CHM: variants seen among roughly 807,000 people sequenced by gnomAD.
CHM encodes rab proteins geranylgeranyltransferase component A 1.
CHM carries 10 observed loss-of-function variants against 49.0 expected under a neutral mutation model. The observed-to-expected ratio is 0.20, with a 90% confidence interval of 0.13 to 0.35. CHM has a LOEUF of 0.35. CHM is among the 10% of genes least tolerant of loss of function. The pLI is 1.00. For synonymous variants in CHM, 184 were observed against 167.5 expected, an observed-to-expected ratio of 1.10 and a Z score of -0.76; for missense variants, 455 against 478.4, an observed-to-expected ratio of 0.95 and a Z score of 0.46.
At chrX:85,972,419 G>C (rs1196949529) in intron 4 of CHM, among the ~76,000 whole-genome samples, 1 of 113,154 alleles carries the variant, frequency 8.8e-6, no homozygotes, top group East Asian at 2.8e-4. Context: ...GGCGGCATTT[G>C]TCGGGGAGGC....
chrX:85,937,841 CAAA>C (rs1302686614), intron 8 of CHM, among the ~76,000 whole-genome samples: 3 of 42,653 alleles, frequency 7.0e-5, no homozygotes, highest in Non-Finnish European at 4.4e-5. Context: ...AAGACTGTCT[CAAA>C]AAAAAAAAAA....
intron 12 of CHM, among the ~76,000 whole-genome samples, chrX:85,885,232 G>A (rs1489677335): frequency 1.8e-5 from 2 of 109,840 alleles, no homozygotes; most frequent in Admixed American, 9.8e-5. Flanking sequence ...TAGAGTACCC[G>A]TGACAAATTT....
At chrX:85,980,818 T>C (rs1459988144) in intron 3 of CHM, among the ~76,000 whole-genome samples, 2 of 110,819 alleles carry the variant, frequency 1.8e-5, no homozygotes, top group African/African-American at 3.3e-5. Context: ...CCCTAAACAG[T>C]TTCTTTATAA....
intron 1 of CHM, among the ~76,000 whole-genome samples, chrX:86,030,682 T>C (rs1934004781): frequency 9.0e-6 from 1 of 111,027 alleles, no homozygotes. Flanking sequence ...ACACTCCCTC[T>C]GTAGAGGGAG....
chrX:85,927,880 T>C (rs1928184549), intron 8 of CHM, among the ~76,000 whole-genome samples: 1 of 112,462 alleles, frequency 8.9e-6, no homozygotes, highest in Non-Finnish European at 1.9e-5. Flanking sequence ...GTTGTAATTT[T>C]CTTAATCATA....
chrX:85,878,696 G>A lies in CHM; in HGVS notation c.1609+269C>T, dbSNP rs1374200715. Reference sequence around the variant, plus strand: ...CTGATTTTCTAACAATCCTTTTTCTGTGTAACTATACATATAAATGTATAT... The same window carrying A: ...CTGATTTTCTAACAATCCTTTTTCTATGTAACTATACATATAAATGTATAT... On this transcript the variant is annotated intron_variant, in intron 13 of 14. Transcript: ENST00000357749. Among the ~76,000 whole-genome samples the A allele has an allele frequency of 3.6e-5, 4 of 111,312 alleles. No individual in the cohort carries two copies. In the East Asian group the frequency reaches 1.1e-3, roughly 31 times the overall value.
intron 1 of CHM, among the ~76,000 whole-genome samples, chrX:86,041,341 AC>A (rs758538596): frequency 1.4e-4 from 16 of 111,272 alleles, no homozygotes; most frequent in African/African-American, 4.9e-4. Context: ...TTGGAAGCAA[AC>A]AAAAACATAC....
intron 2 of CHM, among the ~76,000 whole-genome samples, chrX:86,003,128 T>A (rs2147751237): frequency 9.0e-6 from 1 of 111,402 alleles, no homozygotes; most frequent in East Asian, 2.8e-4. Context: ...GGGTCTGGAG[T>A]GGACCTCCAG....
In CHM at chrX:85,886,778, C is replaced by T. The variant is rs749800322; in HGVS notation, c.1510+7410G>A. ...CTTTTAATGTCCAAGTTACAAATTGCTCCTGAATGTCTATGAACAGGCCAA... is the reference window on the plus strand; with the variant it reads ...CTTTTAATGTCCAAGTTACAAATTGTTCCTGAATGTCTATGAACAGGCCAA... On this transcript the variant is annotated intron_variant, in intron 12 of 14. Coordinates refer to ENST00000357749, the MANE Select transcript of CHM (RefSeq NM_000390.4). Among the ~76,000 whole-genome samples, 10 of 108,601 alleles carry T rather than the reference C, an allele frequency of 9.2e-5. 1 individual carries two copies. Among genetic ancestry groups the T allele is most frequent in the Non-Finnish European group, 1.7e-4 (9 of 52,359 alleles). 94.3% of individuals were successfully genotyped at this position (108,601 alleles called of 115,157 possible). A position where few individuals can be genotyped will look rare whatever the true frequency, so the allele number is the denominator to read the frequency against.
chrX:85,944,961 C>T (rs1015604671), intron 8 of CHM, among the ~76,000 whole-genome samples: 42 of 111,840 alleles, frequency 3.8e-4, no homozygotes, highest in African/African-American at 1.0e-3. Flanking sequence ...TAAAAAGGAA[C>T]GAGATCATGT....
intron 6 of CHM, 41 bp downstream of exon 6, chrX:85,958,820 T>C: frequency 8.3e-7 from 1 of 1,209,748 alleles, no homozygotes; most frequent in Non-Finnish European, 1.1e-6. Context: ...CCATAATAAC[T>C]TAAGCTGATG....
At chrX:85,926,765 C>T (rs1281567924) in intron 8 of CHM, among the ~76,000 whole-genome samples, 1 of 110,621 alleles carries the variant, frequency 9.0e-6, no homozygotes, top group African/African-American at 3.3e-5. Context: ...GGCACTCTGG[C>T]CTCATTTGTA....
At chrX:85,968,024 T>A (rs1930671833) in intron 4 of CHM, among the ~76,000 whole-genome samples, 1 of 111,603 alleles carries the variant, frequency 9.0e-6, no homozygotes, top group South Asian at 3.7e-4. Flanking sequence ...TTGCACCTTC[T>A]CTTACCCAAT....
intron 2 of CHM, among the ~76,000 whole-genome samples, chrX:86,019,023 C>T (rs889706948): frequency 4.5e-5 from 5 of 111,485 alleles, no homozygotes; most frequent in East Asian, 2.8e-4. Context: ...CTGTAACTTA[C>T]GTCTCTGGAG....
rs1192906839 is a variant in CHM, at chrX:85,879,082, T to C, written c.1511-19A>G. ...ACCAAATCTGTTAAAAAAAAAATAT[T>C]TGAGTTCCTTGTCATCACAAATCTA... On this transcript the variant is annotated intron_variant, in intron 12 of 14. Transcript: ENST00000357749. 3.9e-6 allele frequency: 4 copies of C among 1,036,420 alleles called. No individual in the cohort carries two copies. In the South Asian group the frequency reaches 7.8e-5, roughly 20 times the overall value. The allele number at this position is 1,036,420 out of a possible 1,213,427, so 85.4% of individuals were successfully genotyped here.
At chrX:85,988,180 C>G (rs1932012318) in intron 2 of CHM, among the ~76,000 whole-genome samples, 1 of 111,990 alleles carries the variant, frequency 8.9e-6, no homozygotes, top group African/African-American at 3.3e-5. Context: ...GGCTTCATCC[C>G]CGGGATGCAA....
intron 8 of CHM, among the ~76,000 whole-genome samples, chrX:85,954,643 C>T (rs767907488): frequency 9.0e-6 from 1 of 111,205 alleles, no homozygotes; most frequent in African/African-American, 3.3e-5. Flanking sequence ...CCTGTAATAC[C>T]AGCACTTTGG....
chrX:85,995,608 G>C (rs917160563), intron 2 of CHM, among the ~76,000 whole-genome samples: 3 of 112,037 alleles, frequency 2.7e-5, no homozygotes, highest in Non-Finnish European at 5.6e-5. Flanking sequence ...ATGTGACATT[G>C]GACAAGTTAT....
At chrX:85,887,799 G>A (rs2148135740) in intron 12 of CHM, among the ~76,000 whole-genome samples, 1 of 111,395 alleles carries the variant, frequency 9.0e-6, no homozygotes, top group South Asian at 3.8e-4. Context: ...CAAAGAGACT[G>A]GCAGCATTTT....
Sources: allele counts gnomAD v4.1 joint callset (sites outside exome capture counted in the v4.1 genomes callset), GRCh38; gene constraint gnomAD v4.1.1; transcripts MANE v1.5; gene names NCBI Gene and HGNC (gene_info 2026-07-23, HGNC 2026-07-21).